PCDH11X: variants seen among roughly 807,000 people sequenced by gnomAD.
PCDH11X encodes protocadherin 11 X-linked.
PCDH11X carries 18 observed loss-of-function variants against 53.3 expected under a neutral mutation model. That is an observed-to-expected ratio of 0.34 (90% CI 0.23 to 0.50). The LOEUF (loss-of-function observed/expected upper bound fraction) is 0.50, where lower values mean the gene tolerates loss of function less well. Among genes scored for constraint, PCDH11X ranks in the 20% least tolerant of loss-of-function variants. The pLI, the probability that PCDH11X is intolerant of heterozygous loss-of-function variation, is 0.98. For synonymous variants in PCDH11X, 279 were observed against 393.3 expected (o/e 0.71, Z 3.44); for missense variants, 570 against 1,032.4 (o/e 0.55, Z 6.14).
At chrX:92,478,420 G>A (rs1440021132) in intron 10 of PCDH11X, among the ~76,000 whole-genome samples, 1 of 110,755 alleles carries the variant, frequency 9.0e-6, no homozygotes. Context: ...TTTGGGCTTG[G>A]TTTGATCTTG....
At chrX:92,426,319 T>C (rs1256231069) in intron 9 of PCDH11X, among the ~76,000 whole-genome samples, 2 of 90,253 alleles carry the variant, frequency 2.2e-5, no homozygotes, top group African/African-American at 8.1e-5. Flanking sequence ...AGTTCTAGAC[T>C]TCAGGCATTG....
intron 6 of PCDH11X, among the ~76,000 whole-genome samples, chrX:92,119,293 G>A (rs5941038): frequency 0.023 from 2,564 of 109,396 alleles, 43 homozygotes; most frequent in Non-Finnish European, 0.036. Flanking sequence ...TTTTGGCAGA[G>A]ATGAGGTCTC....
intron 6 of PCDH11X, among the ~76,000 whole-genome samples, chrX:92,159,741 G>C (rs1489244160): frequency 4.9e-3 from 468 of 95,985 alleles, no homozygotes; most frequent in Non-Finnish European, 8.5e-3. Context: ...AACAGAATGA[G>C]TGCTGAACAG....
At chrX:92,398,368 G>A (rs1362610528) in intron 9 of PCDH11X, among the ~76,000 whole-genome samples, 3 of 111,338 alleles carry the variant, frequency 2.7e-5, no homozygotes, top group African/African-American at 9.8e-5. Context: ...ACTGCATAAG[G>A]GAAATTTATC....
chrX:92,412,663 T>C (rs2071714890), intron 9 of PCDH11X, among the ~76,000 whole-genome samples: 1 of 104,173 alleles, frequency 9.6e-6, no homozygotes. Context: ...GTTCACACAA[T>C]CTTGCATCTA....
intron 6 of PCDH11X, among the ~76,000 whole-genome samples, chrX:92,191,764 T>C (rs1439628041): frequency 8.9e-6 from 1 of 112,226 alleles, no homozygotes; most frequent in Non-Finnish European, 1.9e-5. Flanking sequence ...AGAATACTTT[T>C]AATTCTTTAC....
intron 10 of PCDH11X, among the ~76,000 whole-genome samples, chrX:92,536,498 T>C (rs1335158549): frequency 9.0e-6 from 1 of 110,723 alleles, no homozygotes; most frequent in African/African-American, 3.3e-5. Context: ...TGGTATACCA[T>C]ATGGTAGCTG....
intron 7 of PCDH11X, among the ~76,000 whole-genome samples, chrX:92,230,783 G>A (rs1280078479): frequency 9.3e-6 from 1 of 107,678 alleles, no homozygotes; most frequent in African/African-American, 3.4e-5. Flanking sequence ...TAAACAACTT[G>A]CCAGTGCTGC....
chrX:92,092,626 G>A (rs779083109), intron 6 of PCDH11X, among the ~76,000 whole-genome samples: 5 of 111,382 alleles, frequency 4.5e-5, no homozygotes, highest in East Asian at 5.7e-4. Flanking sequence ...TGAGACAAAC[G>A]TTTGCATTAT....
intron 6 of PCDH11X, among the ~76,000 whole-genome samples, chrX:92,140,942 C>T (rs2065168325): frequency 9.0e-6 from 1 of 111,478 alleles, no homozygotes; most frequent in South Asian, 3.7e-4. Context: ...CATAAAAAAG[C>T]TATAAAAATA....
At chrX:92,038,927 C>T (rs1292812080) in intron 6 of PCDH11X, among the ~76,000 whole-genome samples, 1 of 111,223 alleles carries the variant, frequency 9.0e-6, no homozygotes, top group Non-Finnish European at 1.9e-5. Context: ...CCACCTAGAA[C>T]TGTAAATCCA....
At chrX:92,474,740 ACACT>A (rs1474786184) in intron 10 of PCDH11X, among the ~76,000 whole-genome samples, 1 of 100,041 alleles carries the variant, frequency 1.0e-5, no homozygotes, top group Non-Finnish European at 2.0e-5. Context: ...AAACTCATAA[ACACT>A]CTACATTTTA....
At chrX:92,532,661 A>G (rs761634557) in intron 10 of PCDH11X, among the ~76,000 whole-genome samples, 5 of 102,256 alleles carry the variant, frequency 4.9e-5, no homozygotes, top group African/African-American at 1.9e-4. Flanking sequence ...CTTCATTTAA[A>G]AAAAAAAAAG....
intron 8 of PCDH11X, among the ~76,000 whole-genome samples, chrX:92,320,406 CTCTT>C (rs768230871): frequency 9.0e-6 from 1 of 110,529 alleles, no homozygotes; most frequent in Non-Finnish European, 1.9e-5. Context: ...CTCTCTCTCT[CTCTT>C]TCTTTCTCTC....
intron 6 of PCDH11X, among the ~76,000 whole-genome samples, chrX:92,003,799 T>C (rs1214283263): frequency 9.3e-6 from 1 of 108,104 alleles, no homozygotes; most frequent in Non-Finnish European, 1.9e-5. Flanking sequence ...TTAGTCTGAA[T>C]AAAGGTTCTC....
intron 9 of PCDH11X, among the ~76,000 whole-genome samples, chrX:92,456,772 TC>T (rs2072916043): frequency 9.0e-6 from 1 of 111,483 alleles, no homozygotes; most frequent in South Asian, 3.7e-4. Flanking sequence ...TATTTTCGCT[TC>T]CTCTTCATGT....
chrX:92,285,912 G>A (rs1448767086), intron 8 of PCDH11X, among the ~76,000 whole-genome samples: 1 of 112,104 alleles, frequency 8.9e-6, no homozygotes, highest in East Asian at 2.8e-4. Context: ...GGTAAACAAA[G>A]GGATGGGCCG....
At chrX:92,004,167 T>G (rs563291436) in intron 6 of PCDH11X, among the ~76,000 whole-genome samples, 1 of 112,155 alleles carries the variant, frequency 8.9e-6, no homozygotes, top group Admixed American at 9.5e-5. Context: ...GCATATTGTT[T>G]AATTTCCATT....
intron 6 of PCDH11X, among the ~76,000 whole-genome samples, chrX:91,886,533 T>G (rs1233648354): frequency 1.8e-5 from 2 of 110,990 alleles, no homozygotes; most frequent in Non-Finnish European, 3.8e-5. Context: ...ATATGATATT[T>G]AAGCTATTAT....
Sources: allele counts gnomAD v4.1 joint callset (sites outside exome capture counted in the v4.1 genomes callset), GRCh38; gene constraint gnomAD v4.1.1; transcripts MANE v1.5; gene names NCBI Gene and HGNC (gene_info 2026-07-23, HGNC 2026-07-21).